Variants in PLD5 observed in about 807,000 individuals in gnomAD.
The protein encoded by PLD5 is phospholipase D family member 5.
PLD5 carries 36 observed loss-of-function variants against 61.1 expected under a neutral mutation model. That is an observed-to-expected ratio of 0.59 (90% CI 0.45 to 0.78). The LOEUF is 0.78. Among genes scored for constraint, PLD5 ranks in the 30% least tolerant of loss-of-function variants. The probability of loss-of-function intolerance (pLI) is 0.00; values close to 1 mark genes in which losing one functional copy is unlikely to be tolerated. For missense variants in PLD5, 515 were observed against 644.4 expected, an observed-to-expected ratio of 0.80 and a Z score of 2.17; for synonymous variants, 243 against 242.8, an observed-to-expected ratio of 1.00 and a Z score of -0.01.
chr1:242,369,006 T>G (rs533950566), intron 1 of PLD5, among the ~76,000 whole-genome samples: 1 of 152,314 alleles, frequency 6.6e-6, no homozygotes, highest in African/African-American at 2.4e-5. Flanking sequence ...CCTCAGTTTC[T>G]CTTTCAATAG....
rs931769608 is a variant in PLD5, at chr1:242,491,708, T to C, written c.189+32380A>G. ...CCTCATTCTTTCTCCTGAAACTCAGTCTTCAGATTTTCTATGTCCTCATTC... is the reference window on the plus strand; with the variant it reads ...CCTCATTCTTTCTCCTGAAACTCAGCCTTCAGATTTTCTATGTCCTCATTC... On this transcript the variant is annotated intron_variant, in intron 1 of 9. Transcript: ENST00000536534. Among the ~76,000 whole-genome samples the C allele has an allele frequency of 2.0e-5, 3 of 152,204 alleles. No individual in the cohort carries two copies. In the East Asian group the frequency reaches 5.8e-4, roughly 29 times the overall value.
intron 1 of PLD5, among the ~76,000 whole-genome samples, chr1:242,451,723 G>A (rs957734853): frequency 2.0e-5 from 3 of 152,094 alleles, no homozygotes; most frequent in South Asian, 2.1e-4. Context: ...GCCTCCCATC[G>A]TGCTAGGATT....
intron 5 of PLD5, among the ~76,000 whole-genome samples, chr1:242,200,522 T>C (rs139662557): frequency 6.6e-6 from 1 of 152,280 alleles, no homozygotes; most frequent in East Asian, 1.9e-4. Context: ...GGCTCTCAGC[T>C]ATGGAAGCTC....
intron 5 of PLD5, among the ~76,000 whole-genome samples, chr1:242,218,609 C>T (rs1004067620): frequency 4.6e-5 from 7 of 152,116 alleles, no homozygotes; most frequent in African/African-American, 1.7e-4. Context: ...TGATTAATTG[C>T]ATTGTTAGAT....
chr1:242,449,542 G>C (rs1219626372), intron 1 of PLD5: 2 of 1,450,550 alleles, frequency 1.4e-6, no homozygotes, highest in East Asian at 2.5e-5. Flanking sequence ...CAGCCAAACT[G>C]AGCACGAAGA....
At chr1:242,248,980 T>C (rs893094278) in intron 4 of PLD5, among the ~76,000 whole-genome samples, 2 of 152,116 alleles carry the variant, frequency 1.3e-5, no homozygotes, top group Non-Finnish European at 2.9e-5. Context: ...AAACCTCACC[T>C]CTAATAAAAA....
chr1:242,124,494 C>G lies in PLD5; in HGVS notation c.907G>C (p.Glu303Gln), dbSNP rs1662631502. The part of the protein sequence containing the change: ...NEKKLQLQLN[E>Q]TKSQAFVSNS... The stretch of plus-strand genomic sequence containing the variant: ...GATACAAATGCTTGAGATTTGGTTT[C>G]ATTCAACTGAAGTTGCAATTTCTTT... Residue 303 changes from glutamate to glutamine, a missense_variant, in exon 6 of 10, where the codon GAA becomes CAA. Glu to Gln is a conservative substitution (Grantham distance 29). Transcript: ENST00000536534. 6.2e-7 allele frequency: 1 copy of G among 1,613,914 alleles called. No homozygotes were observed. Among genetic ancestry groups the G allele is most frequent in the Admixed American group, 1.7e-5 (1 of 59,974 alleles).
At chr1:242,173,738 A>G (rs1420191052) in intron 5 of PLD5, among the ~76,000 whole-genome samples, 1 of 152,190 alleles carries the variant, frequency 6.6e-6, no homozygotes, top group Admixed American at 6.5e-5. Context: ...CTCAGAAATA[A>G]TACCACACAT....
chr1:242,258,075 G>A (rs1027727798), intron 4 of PLD5, among the ~76,000 whole-genome samples: 4 of 152,210 alleles, frequency 2.6e-5, no homozygotes, highest in African/African-American at 9.7e-5. Flanking sequence ...CTTCTCCAGT[G>A]TATTTCAGGT....
At chr1:242,236,815 T>C (rs1202315170) in intron 4 of PLD5, among the ~76,000 whole-genome samples, 1 of 152,222 alleles carries the variant, frequency 6.6e-6, no homozygotes, top group Non-Finnish European at 1.5e-5. Flanking sequence ...CAGTAGCCAT[T>C]CCTTTTTCAA....
At chr1:242,186,421 G>T (rs1276906717) in intron 5 of PLD5, among the ~76,000 whole-genome samples, 1 of 152,096 alleles carries the variant, frequency 6.6e-6, no homozygotes, top group Non-Finnish European at 1.5e-5. Flanking sequence ...CACCTCAAGT[G>T]ATCCACCCGC....
chr1:242,098,511 A>C (rs1053481718), intron 9 of PLD5, among the ~76,000 whole-genome samples: 1 of 152,120 alleles, frequency 6.6e-6, no homozygotes, highest in African/African-American at 2.4e-5. Flanking sequence ...CGAACTTCCT[A>C]CTTTAGCTTG....
At chr1:242,331,711 C>A (rs577146299) in intron 2 of PLD5, among the ~76,000 whole-genome samples, 4 of 152,276 alleles carry the variant, frequency 2.6e-5, no homozygotes, top group African/African-American at 9.6e-5. Context: ...GTTCAAAATA[C>A]CCCCCAATTC....
chr1:242,088,464 C>A lies in PLD5; in HGVS notation c.*1390G>T, dbSNP rs1659575799. On this transcript the variant is annotated 3_prime_UTR_variant, in exon 10 of 10. Transcript: ENST00000536534. Reference sequence around the variant, plus strand: ...ATAATGCTTAGCATTTATATAGGTTCTTTTGATTTCAAAACAAGTTATAAA... The same window carrying A: ...ATAATGCTTAGCATTTATATAGGTTATTTTGATTTCAAAACAAGTTATAAA... 6.6e-6 allele frequency: 1 copy of A among 152,094 alleles called. No homozygotes were observed. Among genetic ancestry groups the A allele is most frequent in the South Asian group, 2.1e-4 (1 of 4,826 alleles). The allele number at this position is 152,094 out of a possible 1,614,324, so 9.4% of individuals were successfully genotyped here.
chr1:242,172,407 T>C (rs1262172523), intron 5 of PLD5, among the ~76,000 whole-genome samples: 3 of 152,168 alleles, frequency 2.0e-5, no homozygotes, highest in Non-Finnish European at 4.4e-5. Flanking sequence ...TAGCACTAAA[T>C]GCCCATAAGA....
intron 5 of PLD5, among the ~76,000 whole-genome samples, chr1:242,212,295 G>A (rs1558349958): frequency 6.6e-6 from 1 of 152,214 alleles, no homozygotes; most frequent in African/African-American, 2.4e-5. Flanking sequence ...GCATTAAAAG[G>A]GGAGCTCTTT....
chr1:242,487,349 G>T (rs1667998622), intron 1 of PLD5, among the ~76,000 whole-genome samples: 1 of 152,058 alleles, frequency 6.6e-6, no homozygotes, highest in African/African-American at 2.4e-5. Flanking sequence ...AAATATAAAG[G>T]AGGAATTTCA....
At chr1:242,159,579 T>G (rs560997134) in intron 5 of PLD5, among the ~76,000 whole-genome samples, 1 of 152,124 alleles carries the variant, frequency 6.6e-6, no homozygotes, top group East Asian at 1.9e-4. Context: ...AGGTGGGGCT[T>G]TCTCCGTGAT....
chr1:242,513,294 T>C (rs1668996397), intron 1 of PLD5, among the ~76,000 whole-genome samples: 1 of 152,278 alleles, frequency 6.6e-6, no homozygotes, highest in Non-Finnish European at 1.5e-5. Context: ...CACACATTCA[T>C]TCATTCGTTC....
Sources: gnomAD v4.1 joint callset for allele counts (sites outside exome capture counted in the v4.1 genomes callset) on GRCh38, gnomAD v4.1.1 for gene constraint, MANE v1.5 for transcripts, NCBI Gene and HGNC (gene_info 2026-07-23, HGNC 2026-07-21) for gene names.